CACNA2D3: variants seen among roughly 807,000 people sequenced by gnomAD.
CACNA2D3 encodes voltage-dependent calcium channel subunit alpha-2/delta-3.
In CACNA2D3, 60 loss-of-function variants were observed where a neutral mutation model predicts 160.6. The observed-to-expected ratio is 0.37, with a 90% CI of 0.30 to 0.46. The LOEUF (loss-of-function observed/expected upper bound fraction) is 0.46, where lower values mean the gene tolerates loss of function less well. Among genes scored for constraint, CACNA2D3 ranks in the 20% least tolerant of loss-of-function variants. The pLI is 1.00. For synonymous variants in CACNA2D3, 558 were observed against 492.9 expected, an observed-to-expected ratio of 1.13 and a Z score of -1.75; for missense variants, 1,205 against 1,365.0, an observed-to-expected ratio of 0.88 and a Z score of 1.85.
At chr3:54,906,430 T>G (rs1337256351) in intron 27 of CACNA2D3, among the ~76,000 whole-genome samples, 4 of 152,158 alleles carry the variant, frequency 2.6e-5, no homozygotes, top group African/African-American at 9.7e-5. Flanking sequence ...GCCTCCCTGA[T>G]GAGGTGACAT....
chr3:54,550,388 A>G (rs1403800975), intron 5 of CACNA2D3, among the ~76,000 whole-genome samples: 4 of 152,172 alleles, frequency 2.6e-5, no homozygotes, highest in Non-Finnish European at 5.9e-5. Flanking sequence ...TGTGAGCGTG[A>G]TGGAGTGCGA....
chr3:54,199,335 A>G (rs908666384), intron 2 of CACNA2D3, among the ~76,000 whole-genome samples: 2 of 152,168 alleles, frequency 1.3e-5, no homozygotes, highest in South Asian at 4.2e-4. Context: ...TCTCTAAAAG[A>G]GGACTCTTTC....
At chr3:54,474,975 TTTTA>T (rs1355778638) in intron 4 of CACNA2D3, among the ~76,000 whole-genome samples, 2 of 152,140 alleles carry the variant, frequency 1.3e-5, no homozygotes, top group Non-Finnish European at 2.9e-5. Flanking sequence ...CCACTAGTCT[TTTTA>T]TTTGTAAATT....
At chr3:54,746,089 C>T (rs1701748668) in intron 11 of CACNA2D3, among the ~76,000 whole-genome samples, 1 of 152,170 alleles carries the variant, frequency 6.6e-6, no homozygotes, top group Non-Finnish European at 1.5e-5. Flanking sequence ...TAGATTAAAG[C>T]AGCCTGCTCA....
intron 4 of CACNA2D3, among the ~76,000 whole-genome samples, chr3:54,392,197 T>G (rs1699294015): frequency 6.6e-6 from 1 of 152,160 alleles, no homozygotes; most frequent in African/African-American, 2.4e-5. Context: ...ACCTAGCCAT[T>G]GATGAATTTC....
chr3:54,249,390 TA>T, intron 2 of CACNA2D3, among the ~76,000 whole-genome samples: 1 of 152,002 alleles, frequency 6.6e-6, no homozygotes, highest in African/African-American at 2.4e-5. Context: ...CTGAGTAGAA[TA>T]AAAAATCTGG....
At chr3:54,148,105 G>A (rs1700070887) in intron 2 of CACNA2D3, among the ~76,000 whole-genome samples, 1 of 152,226 alleles carries the variant, frequency 6.6e-6, no homozygotes, top group Admixed American at 6.5e-5. Context: ...CTGATGGGAA[G>A]GTTTTTATGC....
intron 5 of CACNA2D3, among the ~76,000 whole-genome samples, chr3:54,523,600 G>T (rs1213352854): frequency 6.6e-6 from 1 of 151,936 alleles, no homozygotes; most frequent in Admixed American, 6.6e-5. Flanking sequence ...GTGAAGAATT[G>T]GTATTCTTTA....
At chr3:54,911,354 T>C (rs1700552352) in intron 27 of CACNA2D3, among the ~76,000 whole-genome samples, 1 of 125,696 alleles carries the variant, frequency 8.0e-6, no homozygotes, top group African/African-American at 3.4e-5. Flanking sequence ...TTGTCGTCTT[T>C]TTTTTTTTTT....
At chr3:54,284,594 A>G (rs938604007) in intron 2 of CACNA2D3, among the ~76,000 whole-genome samples, 3 of 152,178 alleles carry the variant, frequency 2.0e-5, no homozygotes, top group Non-Finnish European at 2.9e-5. Flanking sequence ...ATGACATCTA[A>G]TATACTCTGA....
intron 3 of CACNA2D3, among the ~76,000 whole-genome samples, chr3:54,374,270 A>G (rs1026417814): frequency 6.6e-6 from 1 of 152,190 alleles, no homozygotes; most frequent in Non-Finnish European, 1.5e-5. Context: ...GTGTGTCTGA[A>G]TGACCAAAGA....
chr3:54,969,727 T>A, intron 28 of CACNA2D3, 73 bp from the exon 29 acceptor site: 1 of 1,286,160 alleles, frequency 7.8e-7, no homozygotes, highest in Non-Finnish European at 1.1e-6. Context: ...AGTAGCTCAG[T>A]GGCAGCCACA....
At chr3:54,389,731 G>C (rs1396878989) in intron 4 of CACNA2D3, among the ~76,000 whole-genome samples, 1 of 152,174 alleles carries the variant, frequency 6.6e-6, no homozygotes, top group Non-Finnish European at 1.5e-5. Flanking sequence ...CAGAGTAACT[G>C]TCTGGACTCG....
chr3:54,236,515 CTT>C (rs1203341747), intron 2 of CACNA2D3, among the ~76,000 whole-genome samples: 3 of 151,998 alleles, frequency 2.0e-5, no homozygotes, highest in Admixed American at 2.0e-4. Context: ...ATTATTGTCA[CTT>C]TTGACTGAAC....
chr3:54,366,659 C>T (rs1698833036), intron 3 of CACNA2D3, among the ~76,000 whole-genome samples: 1 of 152,160 alleles, frequency 6.6e-6, no homozygotes, highest in Non-Finnish European at 1.5e-5. Flanking sequence ...AACTGAAAAA[C>T]CAGCAGAGAA....
intron 4 of CACNA2D3, among the ~76,000 whole-genome samples, chr3:54,443,765 A>G (rs1431203633): frequency 2.0e-5 from 3 of 152,182 alleles, no homozygotes; most frequent in Non-Finnish European, 2.9e-5. Context: ...ATGCAGATAG[A>G]AAAACTTGGG....
At chr3:54,998,613 G>A (rs1376149207) in intron 31 of CACNA2D3, among the ~76,000 whole-genome samples, 1 of 152,190 alleles carries the variant, frequency 6.6e-6, no homozygotes, top group Non-Finnish European at 1.5e-5. Context: ...ACGCTTTCTT[G>A]TTGCTCCCCA....
chr3:54,238,330 A>T (rs558359311), intron 2 of CACNA2D3, among the ~76,000 whole-genome samples: 1 of 152,316 alleles, frequency 6.6e-6, no homozygotes, highest in African/African-American at 2.4e-5. Flanking sequence ...ACCTGTGCAT[A>T]TTAAGGAGGC....
intron 9 of CACNA2D3, among the ~76,000 whole-genome samples, chr3:54,621,706 G>A (rs879295432): frequency 2.0e-5 from 3 of 152,170 alleles, no homozygotes; most frequent in African/African-American, 4.8e-5. Context: ...TGAGGCACTC[G>A]GGTCCTGGGG....
Sources: gnomAD v4.1 joint callset for allele counts (sites outside exome capture counted in the v4.1 genomes callset) on GRCh38, gnomAD v4.1.1 for gene constraint, MANE v1.5 for transcripts, NCBI Gene and HGNC (gene_info 2026-07-23, HGNC 2026-07-21) for gene names.